The following FAM53A variants were observed in gnomAD, a reference collection of about 807,000 sequenced individuals.
FAM53A encodes the protein protein FAM53A.
FAM53A carries 28 observed loss-of-function variants against 26.6 expected under a neutral mutation model. That is an observed-to-expected ratio of 1.05 (90% CI 0.78 to 1.45). The LOEUF (loss-of-function observed/expected upper bound fraction) is 1.45, where lower values mean the gene tolerates loss of function less well. Among genes scored for constraint, FAM53A ranks in the 40% most tolerant of loss-of-function variants. The pLI is 0.00. For missense variants in FAM53A, 650 were observed against 575.8 expected (o/e 1.13, Z -1.32); for synonymous variants, 290 against 253.1 (o/e 1.15, Z -1.38).
At chr4:1,618,468 T>A (rs1023443366) in intron 1 of FAM53A, among the ~76,000 whole-genome samples, 22 of 152,154 alleles carry the variant, frequency 1.4e-4, no homozygotes, top group East Asian at 1.4e-3. Flanking sequence ...AGGGCCCCCT[T>A]CAGACAGCCC....
intron 4 of FAM53A, among the ~76,000 whole-genome samples, chr4:1,643,599 C>T (rs1369342346): frequency 6.9e-6 from 1 of 143,968 alleles, no homozygotes; most frequent in Non-Finnish European, 1.5e-5. Flanking sequence ...CAGGGTCTTG[C>T]TCTGTTTCCC....
chr4:1,670,895 C>A (rs1162157874), intron 1 of FAM53A, among the ~76,000 whole-genome samples: 1 of 151,988 alleles, frequency 6.6e-6, no homozygotes. Flanking sequence ...TCTGTCCCAG[C>A]GTCAGAGCCC....
At chr4:1,680,095 T>C (rs1462399553) in intron 1 of FAM53A, among the ~76,000 whole-genome samples, 1 of 145,858 alleles carries the variant, frequency 6.9e-6, no homozygotes, top group Non-Finnish European at 1.5e-5. Context: ...CCGAGGCAGG[T>C]GGATCACCTG....
At chr4:1,586,782 C>A in the FAM53A span, among the ~76,000 whole-genome samples, 598 of 109,238 alleles carry the variant, frequency 5.5e-3, no homozygotes, top group South Asian at 8.2e-3. Flanking sequence ...GACTCCGTCT[C>A]AAAAAAAAAA....
chr4:1,582,229 C>T, the FAM53A span, among the ~76,000 whole-genome samples: 4 of 152,336 alleles, frequency 2.6e-5, no homozygotes, highest in Admixed American at 6.5e-5. Flanking sequence ...GGGTCCCTGC[C>T]GTGGGGGCAG....
chr4:1,680,108 G>A (rs1350682367), intron 1 of FAM53A, among the ~76,000 whole-genome samples: 1 of 150,600 alleles, frequency 6.6e-6, no homozygotes, highest in Non-Finnish European at 1.5e-5. Flanking sequence ...ATCACCTGAG[G>A]TCAGGGTTCA....
rs909588382 is a variant in FAM53A, at chr4:1,623,724, G to A, written c.432-5613C>T. On this transcript the variant is annotated intron_variant, in intron 1 of 1. Coordinates refer to the FAM53A transcript ENST00000489029. ...CATAACTCAGCCTGCGGAGGAGTGC[G>A]GCCGCCGCGGATCGGACGTTACCAT... Among the ~76,000 whole-genome samples the A allele has an allele frequency of 6.6e-5, 10 of 152,374 alleles. No homozygotes were observed. The South Asian group carries it at 1.0e-3, about 16-fold the overall frequency.
chr4:1,647,234 A>G (rs7683796), intron 4 of FAM53A, among the ~76,000 whole-genome samples: 59,750 of 151,502 alleles, frequency 0.39, 12,864 homozygotes, highest in African/African-American at 0.56. Flanking sequence ...TACTCAGGAG[A>G]CTGAGGCAGA....
chr4:1,632,855 C>T (rs774695309), intron 1 of FAM53A, among the ~76,000 whole-genome samples: 2 of 152,252 alleles, frequency 1.3e-5, no homozygotes, highest in Admixed American at 6.5e-5. Context: ...CACAGTTACA[C>T]GTGCACACAC....
intron 1 of FAM53A, among the ~76,000 whole-genome samples, chr4:1,682,047 C>G (rs544755874): frequency 1.3e-5 from 2 of 152,212 alleles, no homozygotes; most frequent in Admixed American, 1.3e-4. Flanking sequence ...GGCCTGGGTT[C>G]CTTGGAAACT....
the FAM53A span, among the ~76,000 whole-genome samples, chr4:1,606,858 C>T: frequency 6.6e-6 from 1 of 152,214 alleles, no homozygotes; most frequent in East Asian, 1.9e-4. Context: ...TGGGCCTGTA[C>T]CCAGAGGCGG....
chr4:1,651,457 G>A (rs547528408), intron 4 of FAM53A, among the ~76,000 whole-genome samples: 3 of 151,950 alleles, frequency 2.0e-5, no homozygotes, highest in East Asian at 1.9e-4. Flanking sequence ...GCTTGAGTCC[G>A]GGAAGTGGAG....
At chr4:1,641,696 T>TG (rs922705368) in intron 4 of FAM53A, 89 bp from the exon 5 acceptor site, 148 of 1,371,700 alleles carry the variant, frequency 1.1e-4, no homozygotes, top group Admixed American at 5.8e-4. Context: ...CTCGGTGTGC[T>TG]GGGGCTCTGG....
At chr4:1,669,807 AC>A (rs1234447352) in intron 1 of FAM53A, among the ~76,000 whole-genome samples, 1 of 152,208 alleles carries the variant, frequency 6.6e-6, no homozygotes, top group Non-Finnish European at 1.5e-5. Context: ...ACACCAGGAC[AC>A]CCTCAAAAAG....
At chr4:1,664,579 T>C (rs1233876693) in intron 2 of FAM53A, among the ~76,000 whole-genome samples, 2 of 152,256 alleles carry the variant, frequency 1.3e-5, no homozygotes, top group Non-Finnish European at 2.9e-5. Flanking sequence ...AACTTGTGTT[T>C]AGATATTCAG....
At chr4:1,646,261 G>A (rs1372989141) in intron 4 of FAM53A, among the ~76,000 whole-genome samples, 2 of 152,012 alleles carry the variant, frequency 1.3e-5, no homozygotes, top group South Asian at 2.1e-4. Context: ...CCACCATGCC[G>A]GCTAATTTTT....
chr4:1,634,010 C>G lies in FAM53A; in HGVS notation c.432-15899G>C, dbSNP rs111346385. On this transcript the variant is annotated intron_variant, in intron 1 of 1. Coordinates refer to the FAM53A transcript ENST00000489029. ...GAGCGCCCGGGGTTTCAGGGACACC[C>G]GGGAGGACCAGCAGAACACCAGGAG... Among the ~76,000 whole-genome samples, 88 of 152,180 alleles carry G rather than the reference C, an allele frequency of 5.8e-4. 4 individuals carry two copies. The highest frequency in any genetic ancestry group is 2.0e-3 in the African/African-American group (82 of 41,498).
rs1389141686 is a variant in FAM53A at position 1,672,307 on chromosome 4, T to G, written c.-164-3402A>C. 7.1e-5 allele frequency among the ~76,000 whole-genome samples: 7 copies of G among 98,342 alleles called. 1 individual carries two copies. Among genetic ancestry groups the G allele is most frequent in the African/African-American group, 1.1e-4 (3 of 26,506 alleles). 64.5% of individuals were successfully genotyped at this position (98,342 alleles called of 152,430 possible). Reference sequence around the variant, plus strand: ...AGCCACCCACAGACCCAGGAACCCATGAACCCATGGACCCACAAACCCAGG... The same window carrying G: ...AGCCACCCACAGACCCAGGAACCCAGGAACCCATGGACCCACAAACCCAGG... On this transcript the variant is annotated intron_variant, in intron 1 of 4. Transcript: ENST00000308132.
chr4:1,622,156 C>T (rs989426342), intron 1 of FAM53A, among the ~76,000 whole-genome samples: 8 of 152,310 alleles, frequency 5.3e-5, no homozygotes, highest in South Asian at 4.2e-4. Flanking sequence ...CCCCTGTTCA[C>T]GATCAGTTAC....
Sources: allele counts gnomAD v4.1 joint callset (sites outside exome capture counted in the v4.1 genomes callset), GRCh38; gene constraint gnomAD v4.1.1; transcripts MANE v1.5; gene names NCBI Gene and HGNC (gene_info 2026-07-23, HGNC 2026-07-21).